CHMP3: variants seen among roughly 807,000 people sequenced by gnomAD.
The protein encoded by CHMP3 is charged multivesicular body protein 3.
Under a neutral mutation model 27.4 loss-of-function variants are expected in CHMP3, and 8 were observed. The ratio of observed to expected loss-of-function variants is 0.29; its 90% CI spans 0.17 to 0.53. The LOEUF (loss-of-function observed/expected upper bound fraction) is 0.53. Among genes scored for constraint, CHMP3 ranks in the 20% least tolerant of loss-of-function variants. CHMP3 has a pLI of 0.96. For synonymous variants in CHMP3, 86 were observed against 85.5 expected, an observed-to-expected ratio of 1.01 and a Z score of -0.03; for missense variants, 208 against 271.5, an observed-to-expected ratio of 0.77 and a Z score of 1.64.
intron 2 of CHMP3, among the ~76,000 whole-genome samples, chr2:86,535,548 G>T (rs1195883465): frequency 6.6e-6 from 1 of 152,048 alleles, no homozygotes; most frequent in Non-Finnish European, 1.5e-5. Context: ...TTATCACTCA[G>T]GCTAGAGTGC....
chr2:86,510,281 C>A (rs1675049307), intron 4 of CHMP3, 77 bp downstream of exon 4: 1 of 1,323,632 alleles, frequency 7.6e-7, no homozygotes, highest in Non-Finnish European at 1.0e-6. Context: ...CCCACCCACC[C>A]TCATCCCTAG....
rs373805586 is a variant in CHMP3, at chr2:86,551,912, G to A, written c.46-9600C>T. 6.6e-5 allele frequency among the ~76,000 whole-genome samples: 10 copies of A among 152,254 alleles called. No individual in the cohort carries two copies. The East Asian group carries it at 7.7e-4, about 12-fold the overall frequency. On this transcript the variant is annotated intron_variant, in intron 1 of 5. Transcript: ENST00000263856. ...AAAAGGCTTAGAAGCAGGGATACTC[G>A]AATAGCAAGAAGCATCAGGCTCACT...
At chr2:86,552,678 CA>C (rs557130496) in intron 1 of CHMP3, among the ~76,000 whole-genome samples, 2 of 152,292 alleles carry the variant, frequency 1.3e-5, no homozygotes, top group South Asian at 4.1e-4. Flanking sequence ...ACAAGACAGA[CA>C]TTATATGCCT....
chr2:86,556,053 A>C (rs1176610275), intron 1 of CHMP3, among the ~76,000 whole-genome samples: 1 of 152,226 alleles, frequency 6.6e-6, no homozygotes, highest in Admixed American at 6.5e-5. Context: ...AAAATATAAC[A>C]AGCAAATCCT....
chr2:86,507,584 T>C lies in CHMP3; in HGVS notation c.418A>G (p.Ile140Val), dbSNP rs766405014. 5.0e-6 allele frequency: 8 copies of C among 1,614,054 alleles called. No individual in the cohort carries two copies. Among genetic ancestry groups the C allele is most frequent in the Middle Eastern group, 1.6e-4 (1 of 6,062 alleles). Residue 140 changes from isoleucine to valine, a missense_variant, in exon 5 of 6, where the codon ATA becomes GTA. Ile to Val is a conservative substitution (Grantham distance 29). This residue lies in a region of CHMP3 where 94 missense variants were observed against 159.6 expected (regional missense o/e 0.59). Transcript: ENST00000263856. ...AAAGTGTCCTCTAACATCTCCTCTA[T>C]GATCCCAGCCTAAACAGAATAAATA... ...LSKEMMKAGI[I>V]EEMLEDTFES...
At chr2:86,522,034 C>T (rs868563503) in intron 3 of CHMP3, among the ~76,000 whole-genome samples, 13 of 152,162 alleles carry the variant, frequency 8.5e-5, no homozygotes, top group Admixed American at 6.5e-5. Context: ...CCAATCAAAA[C>T]ACACTCATCA....
intron 2 of CHMP3, among the ~76,000 whole-genome samples, chr2:86,531,248 A>C (rs184494762): frequency 9.2e-5 from 14 of 152,152 alleles, no homozygotes; most frequent in African/African-American, 3.4e-4. Flanking sequence ...GGCTCAAGCA[A>C]TCTACCCACC....
chr2:86,505,974 C>T, intron 5 of CHMP3, 25 bp from the exon 6 acceptor site: 3 of 1,531,670 alleles, frequency 2.0e-6, no homozygotes, highest in Admixed American at 1.9e-5. Context: ...CAAAGATGAA[C>T]ACCACATTGG....
intron 1 of CHMP3, among the ~76,000 whole-genome samples, chr2:86,543,319 T>C (rs1676434694): frequency 1.3e-5 from 2 of 152,226 alleles, no homozygotes; most frequent in Admixed American, 6.5e-5. Flanking sequence ...ACAACAATTG[T>C]AATAATTTGT....
At chr2:86,528,941 C>T (rs540181380) in intron 3 of CHMP3, among the ~76,000 whole-genome samples, 107 of 152,316 alleles carry the variant, frequency 7.0e-4, no homozygotes, top group Admixed American at 1.8e-3. Flanking sequence ...TGGCCTCTTA[C>T]TCCTACAACT....
intron 1 of CHMP3, among the ~76,000 whole-genome samples, chr2:86,544,175 A>C (rs1181400305): frequency 6.6e-6 from 1 of 152,226 alleles, no homozygotes; most frequent in Non-Finnish European, 1.5e-5. Context: ...ATATGTGTAT[A>C]ACACAACTCG....
intron 1 of CHMP3, 142 bp downstream of exon 1, chr2:86,563,156 TCCGGCC>T: frequency 1.1e-6 from 1 of 935,828 alleles, no homozygotes; most frequent in East Asian, 2.5e-5. Flanking sequence ...AGACTCTTCC[TCCGGCC>T]CCCCTGTCGA....
chr2:86,540,636 T>G (rs1433986418), intron 2 of CHMP3: 39 of 152,152 alleles, frequency 2.6e-4, no homozygotes. Flanking sequence ...TAGTGTCTAA[T>G]TTGCTGTTAA....
At chr2:86,560,548 G>A (rs771979880) in intron 1 of CHMP3, among the ~76,000 whole-genome samples, 12 of 152,078 alleles carry the variant, frequency 7.9e-5, no homozygotes, top group South Asian at 2.1e-4. Flanking sequence ...ATCACACACC[G>A]GGGCCTGTCA....
At chr2:86,513,528 C>A (rs1235456326) in intron 3 of CHMP3, among the ~76,000 whole-genome samples, 3 of 152,132 alleles carry the variant, frequency 2.0e-5, no homozygotes, top group African/African-American at 7.2e-5. Context: ...TAAATAGAGG[C>A]TTACTGATTG....
At chr2:86,545,313 C>T (rs1462406580) in intron 1 of CHMP3, among the ~76,000 whole-genome samples, 21 of 40,600 alleles carry the variant, frequency 5.2e-4, no homozygotes, top group Admixed American at 9.1e-4. Context: ...GAAGGGCGGC[C>T]GGGCAGAGGC....
In CHMP3 at chr2:86,505,028, T is replaced by G. The variant is rs374513440; in HGVS notation, c.*776A>C. On this transcript the variant is annotated 3_prime_UTR_variant, in exon 6 of 6. Coordinates refer to ENST00000263856, the MANE Select transcript of CHMP3 (RefSeq NM_016079.4). ...GCTCCTGACTTTGAGAAAACACAGA[T>G]AGGAAGGCCCATGTCCCACGCACAA... 2.0e-5 allele frequency: 3 copies of G among 152,152 alleles called. No individual in the cohort carries two copies. The highest frequency in any genetic ancestry group is 1.3e-4 in the Admixed American group (2 of 15,274). 9.4% of individuals were successfully genotyped at this position (152,152 alleles called of 1,614,324 possible). A position where few individuals can be genotyped will look rare whatever the true frequency, so the allele number is the denominator to read the frequency against.
chr2:86,524,501 T>C (rs200447252), intron 3 of CHMP3, among the ~76,000 whole-genome samples: 1 of 152,208 alleles, frequency 6.6e-6, no homozygotes, highest in East Asian at 1.9e-4. Context: ...CTAAACAATA[T>C]AGTATAACTA....
intron 1 of CHMP3, among the ~76,000 whole-genome samples, chr2:86,558,847 A>G (rs1677235769): frequency 6.7e-6 from 1 of 149,874 alleles, no homozygotes; most frequent in Non-Finnish European, 1.5e-5. Context: ...TGGCCTCTTA[A>G]GTATTTTCTT....
Sources: allele counts gnomAD v4.1 joint callset (sites outside exome capture counted in the v4.1 genomes callset), GRCh38; gene constraint gnomAD v4.1.1; regional missense constraint gnomAD v4.1.1; transcripts MANE v1.5; gene names NCBI Gene and HGNC (gene_info 2026-07-23, HGNC 2026-07-21).